Variants in FABP12 observed in about 807,000 individuals in gnomAD.
The protein encoded by FABP12 is fatty acid-binding protein 12.
FABP12 carries 19 observed loss-of-function variants against 13.7 expected under a neutral mutation model. The observed-to-expected ratio is 1.39, with a 90% CI of 0.97 to 2.04. The LOEUF (loss-of-function observed/expected upper bound fraction) is 2.04, where lower values mean the gene tolerates loss of function less well. Ranked by LOEUF, FABP12 falls within the 30% of genes most tolerant of loss-of-function variation. FABP12 has a pLI of 0.00. For missense variants in FABP12, 182 were observed against 164.2 expected (o/e 1.11, Z -0.59); for synonymous variants, 61 against 57.0 (o/e 1.07, Z -0.32).
At chr8:81,535,274 A>T (rs909700361), upstream of FABP12, among the ~76,000 whole-genome samples, 1 of 152,158 alleles carries the variant, frequency 6.6e-6, no homozygotes, top group African/African-American at 2.4e-5. Context: ...AATTTCTGTC[A>T]TTCCTCACTC....
At chr8:81,578,128 G>A (rs79305320) in intron 1 of FABP12, among the ~76,000 whole-genome samples, 2,836 of 152,228 alleles carry the variant, frequency 0.019, 64 homozygotes, top group African/African-American at 0.055. Flanking sequence ...GTTTAATATA[G>A]GTGCAGAAAC....
chr8:81,529,439 T>G, exon 3 of FABP12: 1 of 1,613,776 alleles, frequency 6.2e-7, no homozygotes, highest in Non-Finnish European at 8.5e-7. Context: ...AGGCCTCACC[T>G]TTGTTTTGTG....
At chr8:81,570,004 A>G (rs1447870046) in intron 1 of FABP12, among the ~76,000 whole-genome samples, 1 of 152,224 alleles carries the variant, frequency 6.6e-6, no homozygotes, top group Non-Finnish European at 1.5e-5. Context: ...TGCAAGGAGC[A>G]TGGGGTCTGG....
chr8:81,588,603 T>C (rs1227639307), intron 1 of FABP12, among the ~76,000 whole-genome samples: 1 of 152,222 alleles, frequency 6.6e-6, no homozygotes, highest in Admixed American at 6.5e-5. Flanking sequence ...ATAAGGCTAA[T>C]TTGACTTTTT....
chr8:81,537,123 C>G (rs1165760890), upstream of FABP12, among the ~76,000 whole-genome samples: 3 of 151,890 alleles, frequency 2.0e-5, no homozygotes, highest in African/African-American at 7.3e-5. Flanking sequence ...TGGATAATGC[C>G]AACAGAAAAA....
chr8:81,573,358 A>G (rs974708933), intron 1 of FABP12, among the ~76,000 whole-genome samples: 1 of 152,144 alleles, frequency 6.6e-6, no homozygotes, highest in African/African-American at 2.4e-5. Flanking sequence ...ATGGCCTTAT[A>G]GTATAGTTTG....
At chr8:81,543,992 C>G (rs1809394849) in intron 1 of FABP12, among the ~76,000 whole-genome samples, 3 of 152,154 alleles carry the variant, frequency 2.0e-5, no homozygotes, top group African/African-American at 7.2e-5. Flanking sequence ...GTTGACTAAA[C>G]AGATATAGAG....
intron 1 of FABP12, among the ~76,000 whole-genome samples, chr8:81,556,377 G>A (rs1195071458): frequency 6.6e-6 from 1 of 152,138 alleles, no homozygotes; most frequent in Non-Finnish European, 1.5e-5. Context: ...CAATTGGAAA[G>A]GACATACTTG....
intron 1 of FABP12, among the ~76,000 whole-genome samples, chr8:81,578,517 G>C (rs1330145123): frequency 3.5e-5 from 5 of 142,356 alleles, no homozygotes; most frequent in African/African-American, 5.2e-5. Flanking sequence ...ACAGAGTCTT[G>C]CTCTGTCGCC....
At chr8:81,528,645 C>G (rs1047391011) in intron 3 of FABP12, among the ~76,000 whole-genome samples, 1 of 152,108 alleles carries the variant, frequency 6.6e-6, no homozygotes, top group African/African-American at 2.4e-5. Context: ...GTGAAACAGA[C>G]AGGAAATCCT....
intron 1 of FABP12, among the ~76,000 whole-genome samples, chr8:81,575,613 T>C (rs1810027664): frequency 6.6e-6 from 1 of 152,236 alleles, no homozygotes; most frequent in Admixed American, 6.5e-5. Context: ...CTATTAGTTA[T>C]TGTTTTATAA....
chr8:81,567,641 T>C (rs75084206), intron 1 of FABP12, among the ~76,000 whole-genome samples: 7,020 of 152,256 alleles, frequency 0.046, 213 homozygotes, highest in East Asian at 0.16. Context: ...TCTCTTGCCA[T>C]ATACAAAATT....
chr8:81,544,401 T>C (rs1042862190), intron 1 of FABP12, among the ~76,000 whole-genome samples: 3 of 152,210 alleles, frequency 2.0e-5, no homozygotes, highest in African/African-American at 7.2e-5. Context: ...TGTGGCTGGA[T>C]CACACCAATC....
intron 1 of FABP12, chr8:81,533,389 T>C (rs1007811390): frequency 1.3e-5 from 2 of 152,340 alleles, no homozygotes; most frequent in Admixed American, 1.3e-4. Flanking sequence ...CACATTCCTC[T>C]CCACCAAACA....
chr8:81,587,164 G>C (rs569422506), intron 1 of FABP12, among the ~76,000 whole-genome samples: 23 of 152,166 alleles, frequency 1.5e-4, no homozygotes, highest in African/African-American at 5.5e-4. Context: ...GTCTGTTTTT[G>C]GACCAGTACC....
At chr8:81,554,724 G>C (rs1481346179) in intron 1 of FABP12, among the ~76,000 whole-genome samples, 2 of 151,926 alleles carry the variant, frequency 1.3e-5, no homozygotes, top group Non-Finnish European at 2.9e-5. Context: ...CAATCTTTTG[G>C]CTTCCCTGGG....
intron 1 of FABP12, among the ~76,000 whole-genome samples, chr8:81,532,692 G>A (rs1235521619): frequency 1.3e-5 from 2 of 152,168 alleles, no homozygotes; most frequent in East Asian, 3.9e-4. Context: ...ATGGTGCAAC[G>A]CACCTGTAGT....
chr8:81,569,047 A>G (rs770821450), intron 1 of FABP12, among the ~76,000 whole-genome samples: 1 of 152,180 alleles, frequency 6.6e-6, no homozygotes, highest in Non-Finnish European at 1.5e-5. Context: ...ATCTATCACA[A>G]CAGGGTAACT....
intron 2 of FABP12, among the ~76,000 whole-genome samples, chr8:81,539,041 A>T (rs926046956): frequency 6.6e-6 from 1 of 151,986 alleles, no homozygotes; most frequent in African/African-American, 2.4e-5. Flanking sequence ...TAGAGATGGG[A>T]TTATGCCATG....
Sources: gnomAD v4.1 joint callset for allele counts (sites outside exome capture counted in the v4.1 genomes callset) on GRCh38, gnomAD v4.1.1 for gene constraint, MANE v1.5 for transcripts, NCBI Gene and HGNC (gene_info 2026-07-23, HGNC 2026-07-21) for gene names.